The following ZNF775 variants were observed in gnomAD, a reference collection of about 807,000 sequenced individuals.
ZNF775 encodes zinc finger protein 775.
In ZNF775, 1 loss-of-function variant was observed where a neutral mutation model predicts 2.4. That is an observed-to-expected ratio of 0.41 (90% CI 0.15 to 1.94). The LOEUF (loss-of-function observed/expected upper bound fraction) is 1.94. Among genes scored for constraint, ZNF775 ranks in the 30% most tolerant of loss-of-function variants. ZNF775 has a pLI of 0.30. For synonymous variants in ZNF775, 381 were observed against 373.3 expected (o/e 1.02, Z -0.24); for missense variants, 823 against 826.6 (o/e 1.00, Z 0.05).
intron 1 of ZNF775, among the ~76,000 whole-genome samples, chr7:150,385,778 A>G (rs1011039108): frequency 6.6e-6 from 1 of 152,310 alleles, no homozygotes; most frequent in East Asian, 1.9e-4. Context: ...TAAAGTTCTT[A>G]TATTTTTATG....
intron 2 of ZNF775, among the ~76,000 whole-genome samples, chr7:150,396,231 G>T (rs1800648468): frequency 6.6e-6 from 1 of 152,156 alleles, no homozygotes; most frequent in Non-Finnish European, 1.5e-5. Context: ...GCACCCGAGT[G>T]ATTCACTTAC....
intron 1 of ZNF775, among the ~76,000 whole-genome samples, chr7:150,385,872 G>A (rs1194874569): frequency 2.0e-5 from 3 of 152,198 alleles, no homozygotes; most frequent in Non-Finnish European, 2.9e-5. Flanking sequence ...AGGCAGGGGT[G>A]ATGTCTTCCT....
rs1245715673 is a variant in ZNF775 at position 150,398,337 on chromosome 7, C to T, written c.*242C>T. 1.6e-6 allele frequency: 1 copy of T among 624,302 alleles called. No individual in the cohort carries two copies. The highest frequency in any genetic ancestry group is 2.7e-6 in the Non-Finnish European group (1 of 376,208). 38.7% of individuals were successfully genotyped at this position (624,302 alleles called of 1,614,324 possible). A position where few individuals can be genotyped will look rare whatever the true frequency, so the allele number is the denominator to read the frequency against. ...TCCTCACCGCGGGCCGGGATGTGAC[C>T]ACCCTCTTCAGAGGTTGGACCCCAG... On this transcript the variant is annotated 3_prime_UTR_variant, in exon 3 of 3. Coordinates refer to ENST00000329630, the MANE Select transcript of ZNF775 (RefSeq NM_173680.4).
intron 2 of ZNF775, among the ~76,000 whole-genome samples, chr7:150,393,971 A>G (rs561894263): frequency 5.9e-5 from 9 of 152,292 alleles, no homozygotes; most frequent in East Asian, 1.9e-4. Context: ...TGCCCGGCCA[A>G]TTCTAGCCAT....
Position 150,397,456 on chromosome 7 carries a change from G to T in ZNF775, c.975G>T (p.Thr325=). Residue 325 remains threonine, a synonymous_variant, in exon 3 of 3, where the codon ACG becomes ACT. Coordinates refer to ENST00000329630, the MANE Select transcript of ZNF775 (RefSeq NM_173680.4). ...GCTTCAGCCAGAAGCCCAACTTGAC[G>T]CGGCACCTGCGCAACCACACAGGCG... ...GRRFSQKPNL[T]RHLRNHTGER... 6.3e-7 allele frequency: 1 copy of T among 1,592,290 alleles called. No homozygotes were observed.
At chr7:150,390,962 A>T (rs747729619) in intron 2 of ZNF775, among the ~76,000 whole-genome samples, 27 of 152,218 alleles carry the variant, frequency 1.8e-4, no homozygotes, top group Non-Finnish European at 3.8e-4. Context: ...CGCATATTGT[A>T]AAGTAGAGGT....
At chr7:150,391,938 T>G (rs1166917925) in intron 2 of ZNF775, among the ~76,000 whole-genome samples, 2 of 152,114 alleles carry the variant, frequency 1.3e-5, no homozygotes, top group Non-Finnish European at 2.9e-5. Context: ...GGTCTTGAAC[T>G]CCTGACCTCA....
chr7:150,397,671 C>T lies in ZNF775; in HGVS notation c.1190C>T (p.Ala397Val). 7.5e-7 allele frequency: 1 copy of T among 1,329,840 alleles called. No homozygotes were observed. The highest frequency in any genetic ancestry group is 4.1e-5 in the Admixed American group (1 of 24,454). 82.4% of individuals were successfully genotyped at this position (1,329,840 alleles called of 1,614,324 possible). Residue 397 changes from alanine to valine, a missense_variant, in exon 3 of 3, where the codon GCC (alanine) becomes GTC (valine). Coordinates refer to ENST00000329630, the MANE Select transcript of ZNF775 (RefSeq NM_173680.4). ...AHAVAEPAVP[A>V]GEPGDQPQAE... ...GCTGTCGCTGAGCCCGCCGTTCCGG[C>T]CGGGGAACCGGGCGACCAGCCGCAG...
rs1236097829 is a variant in ZNF775 at position 150,396,855 on chromosome 7, A to C, written c.374A>C (p.His125Pro). Reference protein sequence around the residue: ...RFSWWSSLKIHQRTHTGEKPY... With the variant: ...RFSWWSSLKIPQRTHTGEKPY... ...AGCTGGTGGTCGTCCCTGAAGATCC[A>C]CCAGCGCACCCACACCGGGGAGAAG... Residue 125 changes from histidine to proline, a missense_variant, in exon 3 of 3, where the codon CAC (histidine) becomes CCC (proline). His to Pro is a moderately conservative substitution (Grantham distance 77). Coordinates refer to ENST00000329630, the MANE Select transcript of ZNF775 (RefSeq NM_173680.4). 1 of 1,602,658 alleles carries C rather than the reference A, an allele frequency of 6.2e-7. No individual in the cohort carries two copies.
chr7:150,383,133 A>G (rs1262530529), intron 1 of ZNF775, among the ~76,000 whole-genome samples: 4 of 152,224 alleles, frequency 2.6e-5, no homozygotes, highest in South Asian at 4.1e-4. Flanking sequence ...GTATTTAGAT[A>G]TGATTGTATC....
chr7:150,383,924 CT>C, intron 1 of ZNF775: 1 of 152,616 alleles, frequency 6.6e-6, no homozygotes, highest in Middle Eastern at 3.3e-3. Flanking sequence ...GGCCTGTGGC[CT>C]TTCTCCTCCC....
chr7:150,387,954 G>C (rs1017404097), intron 1 of ZNF775, among the ~76,000 whole-genome samples: 1 of 152,226 alleles, frequency 6.6e-6, no homozygotes. Flanking sequence ...GACTTTGAAA[G>C]AGGGGGCGGG....
Position 150,388,067 on chromosome 7 carries a change from G to A in ZNF775, c.-49-355G>A, listed in dbSNP as rs144244856. ...TACTCCAGGCTCCTGCTTCTCAGGC[G>A]TGGTGTCCATCACATGCCGCCCTGC... is the stretch of plus-strand genomic sequence containing the variant. On this transcript the variant is annotated intron_variant, in intron 1 of 2. Transcript: ENST00000329630. Among the ~76,000 whole-genome samples, 1,309 of 152,264 alleles carry A rather than the reference G, an allele frequency of 8.6e-3. 10 individuals carry two copies. The highest frequency in any genetic ancestry group is 0.02 in the Middle Eastern group (6 of 294).
At position 150,398,318 on chromosome 7, in the gene ZNF775, C is replaced by A; in HGVS notation, c.*223C>A. On this transcript the variant is annotated 3_prime_UTR_variant, in exon 3 of 3. Transcript: ENST00000329630. Reference sequence around the variant, plus strand: ...GAGGAGGGAAGATCCGAGTTCCTCACCGCGGGCCGGGATGTGACCACCCTC... The same window carrying A: ...GAGGAGGGAAGATCCGAGTTCCTCAACGCGGGCCGGGATGTGACCACCCTC... The A allele has an allele frequency of 1.4e-6, 1 of 740,384 alleles. No homozygotes were observed. The highest frequency in any genetic ancestry group is 2.1e-6 in the Non-Finnish European group (1 of 479,366). 45.9% of individuals were successfully genotyped at this position (740,384 alleles called of 1,614,324 possible).
Position 150,388,608 on chromosome 7 carries a change from C to G in ZNF775, c.31+107C>G, listed in dbSNP as rs973113560. On this transcript the variant is annotated intron_variant, in intron 2 of 2. Coordinates refer to ENST00000329630, the MANE Select transcript of ZNF775 (RefSeq NM_173680.4). ...GCGAGCCAGTGCCCTCAGCCAGTAG[C>G]TAGTACATCCCACTGATGCAGAATT... 1.9e-5 allele frequency: 24 copies of G among 1,239,266 alleles called. No homozygotes were observed. The Admixed American group carries it at 2.5e-4, about 13-fold the overall frequency. The allele number at this position is 1,239,266 out of a possible 1,614,324, so 76.8% of individuals were successfully genotyped here.
In ZNF775 at chr7:150,396,931, G is replaced by A; in HGVS notation, c.450G>A (p.Leu150=). 8 of 1,601,720 alleles carry A rather than the reference G, an allele frequency of 5.0e-6. No individual in the cohort carries two copies. Among genetic ancestry groups the A allele is most frequent in the Non-Finnish European group, 6.8e-6 (8 of 1,179,666 alleles). ...AGAGCTTCAGCCAGAAGCCGAACCT[G>A]GCGCGCCACCAGCGGCACCACACGG... The part of the protein sequence containing the change: ...CGKSFSQKPN[L]ARHQRHHTGE... Residue 150 remains leucine (L), a synonymous_variant, in exon 3 of 3, where the codon CTG becomes CTA. Coordinates refer to ENST00000329630, the MANE Select transcript of ZNF775 (RefSeq NM_173680.4).
intron 1 of ZNF775, among the ~76,000 whole-genome samples, chr7:150,386,557 C>T (rs1047860861): frequency 3.9e-5 from 6 of 152,038 alleles, no homozygotes; most frequent in Non-Finnish European, 7.4e-5. Context: ...GCGAGGCTCT[C>T]GGGCCCTGGG....
chr7:150,389,211 C>A (rs1800512408), intron 2 of ZNF775, among the ~76,000 whole-genome samples: 1 of 152,240 alleles, frequency 6.6e-6, no homozygotes, highest in Non-Finnish European at 1.5e-5. Flanking sequence ...CTTGGGAACC[C>A]TGCCCTTTGG....
Position 150,396,610 on chromosome 7 carries a change from C to G in ZNF775, c.129C>G (p.Asn43Lys). ...QAMLVEKDKE[N>K]IFQQHRGLPP... ...TGCTTGTGGAGAAGGACAAGGAGAA[C>G]ATATTTCAGCAGCACCGGGGCCTCC... The change falls in exon 3 of 3, where the codon AAC (asparagine) becomes AAG (lysine). Residue 43 changes from asparagine (N) to lysine (K), a missense_variant. Coordinates refer to ENST00000329630, the MANE Select transcript of ZNF775 (RefSeq NM_173680.4). The G allele has an allele frequency of 6.2e-7, 1 of 1,611,158 alleles. No individual in the cohort carries two copies. Among genetic ancestry groups the G allele is most frequent in the Non-Finnish European group, 8.5e-7 (1 of 1,179,526 alleles).
Sources: allele counts gnomAD v4.1 joint callset (sites outside exome capture counted in the v4.1 genomes callset), GRCh38; gene constraint gnomAD v4.1.1; transcripts MANE v1.5; gene names NCBI Gene and HGNC (gene_info 2026-07-23, HGNC 2026-07-21).